Variants in CAST observed in about 807,000 individuals in gnomAD.
The protein encoded by CAST is MIR583 host.
In CAST, 76 loss-of-function variants were observed where a neutral mutation model predicts 119.6. The ratio of observed to expected loss-of-function variants is 0.64; its 90% CI spans 0.53 to 0.77. The LOEUF (loss-of-function observed/expected upper bound fraction) is 0.77, where lower values mean the gene tolerates loss of function less well. Among genes scored for constraint, CAST ranks in the 30% least tolerant of loss-of-function variants. The pLI is 0.00. For synonymous variants in CAST, 319 were observed against 331.6 expected (o/e 0.96, Z 0.41); for missense variants, 953 against 946.5 (o/e 1.01, Z -0.09).
chr5:96,114,071 G>C, the CAST span, among the ~76,000 whole-genome samples: 1 of 152,088 alleles, frequency 6.6e-6, no homozygotes, highest in Non-Finnish European at 1.5e-5. Context: ...ATAAGTGTAT[G>C]AAAATAAAAA....
the CAST span, among the ~76,000 whole-genome samples, chr5:96,242,365 A>C: frequency 6.6e-6 from 1 of 152,198 alleles, no homozygotes; most frequent in African/African-American, 2.4e-5. Context: ...TTCTGGCCTC[A>C]AGTGATCTTC....
At chr5:96,339,740 G>A in the CAST span, among the ~76,000 whole-genome samples, 1 of 152,262 alleles carries the variant, frequency 6.6e-6, no homozygotes, top group Admixed American at 6.5e-5. Flanking sequence ...GAGAGCTAAG[G>A]TGAGTCCTGC....
At chr5:96,600,177 C>G (rs1028727054) in intron 1 of CAST, among the ~76,000 whole-genome samples, 1 of 152,198 alleles carries the variant, frequency 6.6e-6, no homozygotes, top group Admixed American at 6.5e-5. Context: ...TAGAGTATAT[C>G]GTTCTTGCCA....
At chr5:96,673,623 G>A (rs1191102082) in intron 1 of CAST, among the ~76,000 whole-genome samples, 3 of 152,134 alleles carry the variant, frequency 2.0e-5, no homozygotes, top group Non-Finnish European at 4.4e-5. Flanking sequence ...GCTTAGTAAG[G>A]TATCCGAGGA....
In CAST at chr5:96,757,441, T is replaced by C. The variant is rs770272166; in HGVS notation, c.1711-3T>C. On this transcript the variant is annotated splice_polypyrimidine_tract_variant and splice_region_variant and intron_variant, in intron 22 of 31. Transcript: ENST00000675179. ...CATGCCATGTGTTTTCCCCCCCGGATAGGATAAAGATGGAAAGCCACTCCT... is the reference window on the plus strand; with the variant it reads ...CATGCCATGTGTTTTCCCCCCCGGACAGGATAAAGATGGAAAGCCACTCCT... 5.5e-5 allele frequency: 88 copies of C among 1,613,642 alleles called. No individual in the cohort carries two copies. Among genetic ancestry groups the C allele is most frequent in the Non-Finnish European group, 7.3e-5 (86 of 1,179,652 alleles).
the CAST span, among the ~76,000 whole-genome samples, chr5:96,397,172 C>T: frequency 4.6e-5 from 7 of 152,172 alleles, no homozygotes; most frequent in African/African-American, 7.2e-5. Flanking sequence ...ATATTATCTA[C>T]GTAACCAAGT....
the CAST span, chr5:96,423,382 G>A: frequency 1.9e-6 from 3 of 1,613,936 alleles, no homozygotes; most frequent in African/African-American, 4.0e-5. Context: ...CAACTCCTTT[G>A]CCCGTAATGC....
At chr5:96,596,593 T>C (rs1747054803) in intron 1 of CAST, among the ~76,000 whole-genome samples, 1 of 152,182 alleles carries the variant, frequency 6.6e-6, no homozygotes, top group Admixed American at 6.5e-5. Context: ...GAGCTCTTTG[T>C]GGTCACTACA....
the CAST span, among the ~76,000 whole-genome samples, chr5:96,412,752 G>GTTTTTTTTTTTTTGTTTTTTTTTTTTTT: frequency 7.0e-5 from 5 of 71,832 alleles, no homozygotes; most frequent in African/African-American, 4.5e-4. Context: ...CAGCTGTGAT[G>GTTTTTTTTTTTTTGTTTTTTTTTTTTTT]TTTTTTTTTT....
the CAST span, chr5:96,432,845 G>GA: frequency 6.2e-7 from 1 of 1,610,888 alleles, no homozygotes; most frequent in Non-Finnish European, 8.5e-7. Context: ...AAAGTTTCTT[G>GA]AAAGTGGAAA....
chr5:96,746,576 A>G, intron 17 of CAST, 151 bp downstream of exon 17: 1 of 667,528 alleles, frequency 1.5e-6, no homozygotes, highest in Non-Finnish European at 2.7e-6. Flanking sequence ...TCTGCTCCCT[A>G]CAGTTAGACC....
At chr5:96,309,393 T>C in the CAST span, among the ~76,000 whole-genome samples, 1 of 152,228 alleles carries the variant, frequency 6.6e-6, no homozygotes, top group Non-Finnish European at 1.5e-5. Flanking sequence ...CTGGGCCCCA[T>C]AGGGGTGGGA....
At chr5:96,309,352 T>A in the CAST span, among the ~76,000 whole-genome samples, 1 of 152,218 alleles carries the variant, frequency 6.6e-6, no homozygotes, top group African/African-American at 2.4e-5. Flanking sequence ...GTGCTGGCAG[T>A]GAGAATTTCA....
intron 16 of CAST, among the ~76,000 whole-genome samples, chr5:96,744,041 C>T (rs191045910): frequency 6.6e-6 from 1 of 152,110 alleles, no homozygotes; most frequent in East Asian, 1.9e-4. Flanking sequence ...TTAAAAGTGA[C>T]TAAAAGCAGA....
chr5:96,014,986 GC>G, the CAST span, among the ~76,000 whole-genome samples: 1 of 152,040 alleles, frequency 6.6e-6, no homozygotes, highest in African/African-American at 2.4e-5. Context: ...ACGGGTATCA[GC>G]TTTTTAAGTC....
At chr5:96,358,297 A>AT in the CAST span, among the ~76,000 whole-genome samples, 1 of 152,004 alleles carries the variant, frequency 6.6e-6, no homozygotes, top group South Asian at 2.1e-4. Flanking sequence ...GGATTCATTG[A>AT]TTTTTTGAAG....
At chr5:96,616,719 GCGCT>G (rs1314785877) in intron 1 of CAST, among the ~76,000 whole-genome samples, 6 of 142,316 alleles carry the variant, frequency 4.2e-5, no homozygotes, top group Admixed American at 1.4e-4. Flanking sequence ...TAGACACCAA[GCGCT>G]CGCTCGCTCT....
chr5:96,523,913 T>C (rs149272590), upstream of CAST, among the ~76,000 whole-genome samples: 27 of 152,312 alleles, frequency 1.8e-4, no homozygotes, highest in Admixed American at 3.3e-4. Flanking sequence ...CACAATTAGC[T>C]GCAAAAGAAG....
the CAST span, among the ~76,000 whole-genome samples, chr5:96,116,786 T>A: frequency 6.6e-6 from 1 of 152,244 alleles, no homozygotes; most frequent in East Asian, 1.9e-4. Context: ...GGGTAGTGTA[T>A]CTTCTTTCTA....
Sources: allele counts gnomAD v4.1 joint callset (sites outside exome capture counted in the v4.1 genomes callset), GRCh38; gene constraint gnomAD v4.1.1; transcripts MANE v1.5; gene names NCBI Gene and HGNC (gene_info 2026-07-23, HGNC 2026-07-21).